Variants in GPHN observed in about 807,000 individuals in gnomAD.
GPHN encodes gephyrin.
In GPHN, 17 loss-of-function variants were observed where a neutral mutation model predicts 95.5. That is an observed-to-expected ratio of 0.18 (90% CI 0.12 to 0.27). The LOEUF (loss-of-function observed/expected upper bound fraction) is 0.27, where lower values mean the gene tolerates loss of function less well. Among genes scored for constraint, GPHN ranks in the 10% least tolerant of loss-of-function variants. GPHN has a pLI of 1.00. For missense variants in GPHN, 660 were observed against 978.1 expected (o/e 0.67, Z 4.34); for synonymous variants, 320 against 322.5 (o/e 0.99, Z 0.08).
intron 1 of GPHN, among the ~76,000 whole-genome samples, chr14:66,543,170 C>T (rs971582244): frequency 2.0e-5 from 3 of 152,020 alleles, no homozygotes; most frequent in African/African-American, 7.3e-5. Context: ...TCCAATCACC[C>T]CCTACCAGGC....
chr14:66,757,051 C>T (rs2058581974), intron 2 of GPHN, among the ~76,000 whole-genome samples: 2 of 151,820 alleles, frequency 1.3e-5, no homozygotes, highest in South Asian at 4.1e-4. Flanking sequence ...ATGCAGTTAG[C>T]GGTAATAGGG....
chr14:67,615,651 G>C, the GPHN span: 1 of 532,206 alleles, frequency 1.9e-6, no homozygotes, highest in South Asian at 1.7e-5. Flanking sequence ...CTGCTAAAGA[G>C]AAAGGACAAT....
intron 1 of GPHN, among the ~76,000 whole-genome samples, chr14:66,536,902 T>C (rs2059165930): frequency 6.6e-6 from 1 of 152,200 alleles, no homozygotes; most frequent in Admixed American, 6.5e-5. Flanking sequence ...CTTTCAGTTT[T>C]CCCCTCATGT....
At chr14:67,690,709 T>C in the GPHN span, 259 of 427,518 alleles carry the variant, frequency 6.1e-4, no homozygotes, top group African/African-American at 4.4e-3. Context: ...GTTGGCTGGG[T>C]GCGGTGGCTC....
chr14:67,186,077 C>T (rs552465631), downstream of GPHN, among the ~76,000 whole-genome samples: 11 of 152,194 alleles, frequency 7.2e-5, no homozygotes, highest in South Asian at 1.2e-3. Context: ...CTGTCCATTT[C>T]GTATGGCCAG....
At chr14:66,682,815 T>G (rs1452821109) in intron 2 of GPHN, among the ~76,000 whole-genome samples, 2 of 152,214 alleles carry the variant, frequency 1.3e-5, no homozygotes, top group African/African-American at 4.8e-5. Flanking sequence ...GTATGTCTGT[T>G]TAATGCAGCA....
At chr14:67,514,912 C>T in the GPHN span, among the ~76,000 whole-genome samples, 1 of 152,222 alleles carries the variant, frequency 6.6e-6, no homozygotes, top group Non-Finnish European at 1.5e-5. Context: ...GGGCAGCAGC[C>T]TCGAAACCGA....
the GPHN span, chr14:67,576,399 C>T: frequency 1.6e-5 from 25 of 1,590,782 alleles, no homozygotes; most frequent in Middle Eastern, 1.7e-4. The surrounding 1 kb of genome is among the most constrained non-coding windows in gnomAD (Gnocchi z 4.0). Context: ...TTCCAGGATA[C>T]GTGGCTCTAC....
intron 9 of GPHN, among the ~76,000 whole-genome samples, chr14:66,972,134 GGTAC>G (rs2069835491): frequency 1.3e-5 from 2 of 151,926 alleles, no homozygotes; most frequent in South Asian, 2.1e-4. Context: ...CAGGTGTGGT[GGTAC>G]ATGCCTGTAG....
intron 1 of GPHN, among the ~76,000 whole-genome samples, chr14:66,586,371 C>G (rs992930642): frequency 6.6e-6 from 1 of 152,108 alleles, no homozygotes; most frequent in Non-Finnish European, 1.5e-5. Context: ...TTAATTGGAG[C>G]ATTTAGCCCA....
chr14:66,687,287 C>T (rs1595552624), intron 2 of GPHN, among the ~76,000 whole-genome samples: 2 of 152,056 alleles, frequency 1.3e-5, no homozygotes, highest in African/African-American at 4.8e-5. Context: ...GAACTCTCCA[C>T]CCCAGCTTTG....
chr14:67,188,138 G>A, the GPHN span, among the ~76,000 whole-genome samples: 1 of 152,154 alleles, frequency 6.6e-6, no homozygotes, highest in African/African-American at 2.4e-5. Flanking sequence ...CCATGCAGGC[G>A]TGAATAGGCA....
chr14:67,619,979 T>G, the GPHN span: 2 of 1,592,042 alleles, frequency 1.3e-6, no homozygotes, highest in South Asian at 1.1e-5. Flanking sequence ...CTGCGGATCA[T>G]GTCCCTAAGG....
chr14:67,559,837 G>A, the GPHN span: 3 of 624,858 alleles, frequency 4.8e-6, no homozygotes, highest in Non-Finnish European at 8.8e-6. Context: ...CCTCCATGCT[G>A]AGACACCGTA....
chr14:67,714,913 C>G, the GPHN span: 1 of 152,362 alleles, frequency 6.6e-6, no homozygotes, highest in Non-Finnish European at 1.5e-5. Flanking sequence ...ATGCCCCACA[C>G]ATGTTACCAC....
intron 16 of GPHN, among the ~76,000 whole-genome samples, chr14:67,116,353 G>A (rs2078695948): frequency 6.6e-6 from 1 of 151,006 alleles, no homozygotes; most frequent in South Asian, 2.1e-4. Flanking sequence ...AAAGGGGAAG[G>A]GGAAGCAAAA....
At chr14:67,023,574 G>T in intron 9 of GPHN, 59 bp from the exon 10 acceptor site, 2 of 1,337,342 alleles carry the variant, frequency 1.5e-6, no homozygotes, top group South Asian at 2.3e-5. Flanking sequence ...CATTAAATAT[G>T]CATATCTGCC....
the GPHN span, among the ~76,000 whole-genome samples, chr14:67,423,219 GC>G: frequency 1.3e-5 from 2 of 151,980 alleles, no homozygotes; most frequent in African/African-American, 4.8e-5. Context: ...AGCAGAAAGG[GC>G]CAAAAAGGGG....
the GPHN span, among the ~76,000 whole-genome samples, chr14:67,596,557 C>T: frequency 4.6e-5 from 7 of 152,086 alleles, no homozygotes; most frequent in African/African-American, 1.7e-4. Flanking sequence ...TTATTCTTTG[C>T]ACTGACAAGA....
Sources: allele counts gnomAD v4.1 joint callset (sites outside exome capture counted in the v4.1 genomes callset), GRCh38; gene constraint gnomAD v4.1.1; non-coding constraint Gnocchi (gnomAD v3.1); transcripts MANE v1.5; gene names NCBI Gene and HGNC (gene_info 2026-07-23, HGNC 2026-07-21).